The following CCDC171 variants were observed in gnomAD, a reference collection of about 807,000 sequenced individuals.
CCDC171 encodes coiled-coil domain-containing protein 171.
In CCDC171, 177 loss-of-function variants were observed where a neutral mutation model predicts 168.2. The observed-to-expected ratio is 1.05, with a 90% CI of 0.93 to 1.19. CCDC171 has a LOEUF of 1.19. Among genes scored for constraint, CCDC171 ranks in the 50% most tolerant of loss-of-function variants. The pLI is 0.00. For synonymous variants in CCDC171, 687 were observed against 540.8 expected (o/e 1.27, Z -3.75); for missense variants, 1,991 against 1,539.0 (o/e 1.29, Z -4.91).
intron 24 of CCDC171, chr9:15,874,909 G>A (rs939118678): frequency 1.1e-5 from 3 of 284,034 alleles, no homozygotes; most frequent in Non-Finnish European, 1.9e-5. Context: ...TGTGTTTTAT[G>A]GCAAAGTACA....
chr9:15,997,401 T>C (rs1832407602), intron 3 of CCDC171, among the ~76,000 whole-genome samples: 1 of 152,220 alleles, frequency 6.6e-6, no homozygotes, highest in African/African-American at 2.4e-5. Flanking sequence ...GCTGCAGCTA[T>C]AGGCTGTGAG....
intron 7 of CCDC171, among the ~76,000 whole-genome samples, chr9:15,626,901 C>T (rs944739536): frequency 6.6e-6 from 1 of 152,160 alleles, no homozygotes; most frequent in Admixed American, 6.5e-5. Context: ...GTACCAGCTC[C>T]TCCTTGTACC....
intron 7 of CCDC171, chr9:16,035,959 T>C (rs1833459581): frequency 6.6e-6 from 1 of 152,240 alleles, no homozygotes. Flanking sequence ...TTACCTTTAA[T>C]AATTTTGTGC....
the CCDC171 span, among the ~76,000 whole-genome samples, chr9:16,077,896 G>C: frequency 6.6e-6 from 1 of 152,126 alleles, no homozygotes; most frequent in Admixed American, 6.5e-5. Flanking sequence ...AATGTAAACT[G>C]TTGCTTTCTG....
intron 7 of CCDC171, among the ~76,000 whole-genome samples, chr9:15,628,295 G>A (rs959371906): frequency 2.0e-5 from 3 of 152,180 alleles, no homozygotes; most frequent in African/African-American, 2.4e-5. Context: ...GATGACAGGT[G>A]GCACCTGGAA....
chr9:15,931,642 A>G (rs1183962586), intron 25 of CCDC171, among the ~76,000 whole-genome samples: 1 of 150,330 alleles, frequency 6.7e-6, no homozygotes, highest in East Asian at 2.0e-4. Context: ...ACATTTGTCC[A>G]TTTTTGTTTT....
In CCDC171 at chr9:15,806,272, C is replaced by G. The variant is rs114084593; in HGVS notation, c.3267+21578C>G. On this transcript the variant is annotated intron_variant, in intron 21 of 25. Coordinates refer to ENST00000380701, the MANE Select transcript of CCDC171 (RefSeq NM_173550.4). The stretch of plus-strand genomic sequence containing the variant: ...TTGTTATGTGTAGATGTGGTCCTGT[C>G]ATAATGATGCTAGATGGTTATTTTT... Among the ~76,000 whole-genome samples, 408 of 151,566 alleles carry G rather than the reference C, an allele frequency of 2.7e-3. 2 individuals carry two copies. The highest frequency in any genetic ancestry group is 9.3e-3 in the African/African-American group (382 of 41,244).
chr9:15,658,740 G>C (rs901880513), intron 8 of CCDC171, among the ~76,000 whole-genome samples: 1 of 152,058 alleles, frequency 6.6e-6, no homozygotes, highest in Non-Finnish European at 1.5e-5. Context: ...AGTTAGAAAA[G>C]GCAAGACAAG....
intron 21 of CCDC171, among the ~76,000 whole-genome samples, chr9:15,844,705 G>A (rs916446276): frequency 2.2e-4 from 33 of 152,058 alleles, no homozygotes; most frequent in African/African-American, 7.5e-4. Flanking sequence ...GACTCCTGTC[G>A]TTGCCCCTGA....
chr9:16,042,884 T>C (rs1333871375), exon 1 of CCDC171: 1 of 152,222 alleles, frequency 6.6e-6, no homozygotes, highest in South Asian at 2.1e-4. Context: ...GGACACGCTG[T>C]AGGTGAGCAA....
chr9:15,744,830 T>C, intron 17 of CCDC171, 53 bp downstream of exon 17: 7 of 1,534,054 alleles, frequency 4.6e-6, no homozygotes, highest in Non-Finnish European at 6.2e-6. Context: ...CGAAATACAG[T>C]GTGACTATAC....
chr9:15,578,407 GTATTATTAT>G (rs36232245), intron 3 of CCDC171, among the ~76,000 whole-genome samples: 3,035 of 134,228 alleles, frequency 0.023, 60 homozygotes, highest in Middle Eastern at 0.058. Flanking sequence ...GTTAATTTTT[GTATTATTAT>G]TATTATTATT....
intron 24 of CCDC171, among the ~76,000 whole-genome samples, chr9:15,912,034 C>A (rs567391575): frequency 6.6e-6 from 1 of 152,266 alleles, no homozygotes; most frequent in East Asian, 1.9e-4. Context: ...TGTACAGGCT[C>A]TCTTTTTGTT....
At chr9:15,904,749 C>T (rs1298044591) in intron 24 of CCDC171, among the ~76,000 whole-genome samples, 1 of 151,752 alleles carries the variant, frequency 6.6e-6, no homozygotes, top group African/African-American at 2.4e-5. Flanking sequence ...GAGTCAAGAC[C>T]CATCAGTGTG....
intron 24 of CCDC171, among the ~76,000 whole-genome samples, chr9:15,909,940 A>G (rs1823363651): frequency 6.6e-6 from 1 of 152,124 alleles, no homozygotes; most frequent in African/African-American, 2.4e-5. Flanking sequence ...AGTAGTGAAC[A>G]TCATATCCTG....
chr9:15,684,349 C>T (rs1587945465), intron 10 of CCDC171, among the ~76,000 whole-genome samples: 2 of 151,796 alleles, frequency 1.3e-5, no homozygotes, highest in East Asian at 3.9e-4. Context: ...ATTAAAAAAA[C>T]CCATTGACTA....
intron 10 of CCDC171, among the ~76,000 whole-genome samples, chr9:15,694,290 A>C (rs2051045587): frequency 6.6e-6 from 1 of 152,010 alleles, no homozygotes; most frequent in Admixed American, 6.6e-5. Context: ...CCTATACCTG[A>C]CCCTGCTTCT....
At chr9:15,776,466 G>A (rs983377358) in intron 18 of CCDC171, among the ~76,000 whole-genome samples, 2 of 152,230 alleles carry the variant, frequency 1.3e-5, no homozygotes, top group Non-Finnish European at 2.9e-5. Context: ...ATAACTGATT[G>A]AAATAAATTT....
intron 12 of CCDC171, among the ~76,000 whole-genome samples, chr9:15,722,569 A>G (rs553921142): frequency 5.9e-5 from 9 of 152,260 alleles, no homozygotes; most frequent in Non-Finnish European, 1.2e-4. Context: ...ATTACATTAA[A>G]TACAATTAGT....
Sources: allele counts gnomAD v4.1 joint callset (sites outside exome capture counted in the v4.1 genomes callset), GRCh38; gene constraint gnomAD v4.1.1; transcripts MANE v1.5; gene names NCBI Gene and HGNC (gene_info 2026-07-23, HGNC 2026-07-21).